The following SAMD3 variants were observed in gnomAD, a reference collection of about 807,000 sequenced individuals.
SAMD3 encodes the protein sterile alpha motif domain containing 3.
In SAMD3, 63 loss-of-function variants were observed where a neutral mutation model predicts 58.5. That is an observed-to-expected ratio of 1.08 (90% CI 0.88 to 1.33). The LOEUF is 1.33. Among genes scored for constraint, SAMD3 ranks in the 40% most tolerant of loss-of-function variants. The probability of loss-of-function intolerance (pLI) is 0.00; values close to 1 mark genes in which losing one functional copy is unlikely to be tolerated. For missense variants in SAMD3, 604 were observed against 608.4 expected (o/e 0.99, Z 0.08); for synonymous variants, 220 against 210.3 (o/e 1.05, Z -0.40).
intron 2 of SAMD3, among the ~76,000 whole-genome samples, chr6:130,236,324 C>T (rs1248060045): frequency 1.3e-5 from 2 of 151,764 alleles, no homozygotes; most frequent in African/African-American, 4.9e-5. Context: ...AGTTAGACCT[C>T]AGGTCTCTTT....
At chr6:130,195,597 T>C (rs1396768700) in intron 5 of SAMD3, among the ~76,000 whole-genome samples, 1 of 152,166 alleles carries the variant, frequency 6.6e-6, no homozygotes, top group Non-Finnish European at 1.5e-5. Context: ...AAACATGCTT[T>C]CTTTACTATT....
intron 5 of SAMD3, among the ~76,000 whole-genome samples, chr6:130,191,576 C>A (rs1172810714): frequency 6.6e-6 from 1 of 150,510 alleles, no homozygotes; most frequent in Non-Finnish European, 1.5e-5. Context: ...TTCAGTATTT[C>A]TTTTCGAATT....
intron 8 of SAMD3, among the ~76,000 whole-genome samples, chr6:130,162,698 TAAAG>T (rs1243834264): frequency 6.6e-6 from 1 of 152,102 alleles, no homozygotes; most frequent in Admixed American, 6.6e-5. Flanking sequence ...ACTATGTAAA[TAAAG>T]GTTTCATACC....
At position 130,283,959 on chromosome 6, in the gene SAMD3, A is replaced by G. The variant is rs193057237; in HGVS notation, c.-188+29019T>C. On this transcript the variant is annotated intron_variant, in intron 2 of 13. Transcript: ENST00000368134. ...CAGGTTCCAGTGATTCTCCTTCCTC[A>G]GCCTCCCAAGTAGCTGTGATTTCCA... Among the ~76,000 whole-genome samples the G allele has an allele frequency of 2.1e-3, 323 of 152,266 alleles. 4 individuals carry two copies. Among genetic ancestry groups the G allele is most frequent in the African/African-American group, 7.5e-3 (313 of 41,544 alleles).
chr6:130,360,160 C>A (rs1004791591), intron 1 of SAMD3, among the ~76,000 whole-genome samples: 4 of 152,202 alleles, frequency 2.6e-5, no homozygotes, highest in African/African-American at 9.7e-5. Flanking sequence ...AGCAATGACA[C>A]AATGAGCAAT....
Position 130,332,132 on chromosome 6 carries a change from G to T in SAMD3, c.-303-19039C>A, listed in dbSNP as rs1055925315. Among the ~76,000 whole-genome samples, 3 of 152,180 alleles carry T rather than the reference G, an allele frequency of 2.0e-5. No individual in the cohort carries two copies. In the South Asian group the frequency reaches 6.2e-4, roughly 32 times the overall value. ...CTAGAACAGAGGTGATAAGCTTGTGGCATTCTTTGGAGTAGAGTTGCCAGG... is the reference window on the plus strand; with the variant it reads ...CTAGAACAGAGGTGATAAGCTTGTGTCATTCTTTGGAGTAGAGTTGCCAGG... On this transcript the variant is annotated intron_variant, in intron 1 of 13. Transcript: ENST00000368134.
At chr6:130,287,149 G>A (rs1311271625) in intron 2 of SAMD3, among the ~76,000 whole-genome samples, 2 of 152,142 alleles carry the variant, frequency 1.3e-5, no homozygotes, top group African/African-American at 4.8e-5. Context: ...TATATGGTAT[G>A]TACTTTGCTG....
intron 1 of SAMD3, among the ~76,000 whole-genome samples, chr6:130,354,164 CA>C (rs1327354971): frequency 6.6e-6 from 1 of 151,826 alleles, no homozygotes. Context: ...ATTAAAAAGT[CA>C]AAAAAATAAC....
intron 2 of SAMD3, among the ~76,000 whole-genome samples, chr6:130,309,680 T>G (rs554287004): frequency 1.2e-3 from 185 of 152,296 alleles, no homozygotes; most frequent in Non-Finnish European, 1.8e-3. Context: ...TCCTGGCACC[T>G]TACCAGAGGA....
chr6:130,360,314 T>C (rs1403705415), intron 1 of SAMD3, among the ~76,000 whole-genome samples: 1 of 152,194 alleles, frequency 6.6e-6, no homozygotes, highest in African/African-American at 2.4e-5. Context: ...CCTGCCCCAA[T>C]AGTCATGTAG....
At chr6:130,192,939 A>G (rs940062230) in intron 5 of SAMD3, among the ~76,000 whole-genome samples, 2 of 151,874 alleles carry the variant, frequency 1.3e-5, no homozygotes, top group Non-Finnish European at 1.5e-5. Flanking sequence ...TTGGCGCCAC[A>G]CTTCAATCTC....
At chr6:130,170,273 C>T (rs1280960495) in intron 8 of SAMD3, among the ~76,000 whole-genome samples, 1 of 152,204 alleles carries the variant, frequency 6.6e-6, no homozygotes, top group Non-Finnish European at 1.5e-5. Context: ...TCAATTCCAA[C>T]TTATGAATGA....
intron 2 of SAMD3, among the ~76,000 whole-genome samples, chr6:130,241,935 T>C (rs114484712): frequency 0.019 from 2,863 of 152,328 alleles, 82 homozygotes; most frequent in African/African-American, 0.064. Flanking sequence ...CATTGTCTTT[T>C]AAAATGAACT....
intron 5 of SAMD3, among the ~76,000 whole-genome samples, chr6:130,196,875 C>G (rs1357134610): frequency 6.6e-6 from 1 of 152,156 alleles, no homozygotes; most frequent in Non-Finnish European, 1.5e-5. Flanking sequence ...CATTTCTTCC[C>G]TTCTGTCAGA....
intron 2 of SAMD3, among the ~76,000 whole-genome samples, chr6:130,263,713 A>T (rs1774228023): frequency 6.6e-6 from 1 of 152,046 alleles, no homozygotes; most frequent in African/African-American, 2.4e-5. Flanking sequence ...CCTTGTGGAG[A>T]CTTGCCAAGT....
chr6:130,145,898 TAA>T (rs1788577522), intron 10 of SAMD3, 110 bp downstream of exon 10: 1 of 450,686 alleles, frequency 2.2e-6, no homozygotes, highest in Non-Finnish European at 3.5e-6. Flanking sequence ...AATATATTTT[TAA>T]AACTCAATAA....
intron 2 of SAMD3, among the ~76,000 whole-genome samples, chr6:130,311,522 G>A (rs1776161956): frequency 6.6e-6 from 1 of 152,146 alleles, no homozygotes; most frequent in South Asian, 2.1e-4. Flanking sequence ...AAAACTGACT[G>A]AGACTAAGAG....
intron 1 of SAMD3, among the ~76,000 whole-genome samples, chr6:130,346,830 C>A (rs758090402): frequency 2.0e-5 from 3 of 152,190 alleles, no homozygotes; most frequent in African/African-American, 2.4e-5. Context: ...GGCACCCCCC[C>A]AGTAGGGGTG....
chr6:130,326,389 C>CTTT (rs1180206777), intron 1 of SAMD3, among the ~76,000 whole-genome samples: 1 of 93,360 alleles, frequency 1.1e-5, no homozygotes, highest in Admixed American at 1.2e-4. Flanking sequence ...TTTTTGCAAA[C>CTTT]TTCTGCTCAT....
Sources: allele counts gnomAD v4.1 joint callset (sites outside exome capture counted in the v4.1 genomes callset), GRCh38; gene constraint gnomAD v4.1.1; transcripts MANE v1.5; gene names NCBI Gene and HGNC (gene_info 2026-07-23, HGNC 2026-07-21).